RNF34: variants seen among roughly 807,000 people sequenced by gnomAD.
RNF34 encodes E3 ubiquitin-protein ligase RNF34.
In RNF34, 12 loss-of-function variants were observed where a neutral mutation model predicts 37.9. The observed-to-expected ratio is 0.32, with a 90% CI of 0.20 to 0.51. The LOEUF (loss-of-function observed/expected upper bound fraction) is 0.51. Ranked by LOEUF, RNF34 falls within the 20% of genes least tolerant of loss-of-function variation. The pLI is 0.97. For synonymous variants in RNF34, 155 were observed against 177.2 expected, an observed-to-expected ratio of 0.87 and a Z score of 1.00; for missense variants, 362 against 472.7, an observed-to-expected ratio of 0.77 and a Z score of 2.17.
intron 1 of RNF34, among the ~76,000 whole-genome samples, chr12:121,408,670 C>T (rs1555280948): frequency 6.6e-6 from 1 of 152,078 alleles, no homozygotes; most frequent in African/African-American, 2.4e-5. Flanking sequence ...AGATGGAGTC[C>T]AGGCTTGGAA....
intron 1 of RNF34, chr12:121,405,135 A>G (rs554382799): frequency 3.9e-5 from 6 of 152,158 alleles, no homozygotes; most frequent in African/African-American, 1.2e-4. Context: ...TTCCCCTCCC[A>G]TTTGCTTCCT....
At chr12:121,406,079 G>A (rs782114728) in intron 1 of RNF34, among the ~76,000 whole-genome samples, 2 of 152,212 alleles carry the variant, frequency 1.3e-5, no homozygotes, top group Admixed American at 1.3e-4. Flanking sequence ...ATGAGCCACC[G>A]TGCCCGGCCT....
chr12:121,400,136 A>T lies in RNF34; in HGVS notation c.-77A>T. ...GCGCGGTAATCACCGCCCAGAGGGA[A>T]GGAGGTCGGCAGTGTGAGGAGCTGC... On this transcript the variant is annotated 5_prime_UTR_variant, in exon 1 of 6. The change creates a new upstream start codon in the 5' untranslated region. Coordinates refer to ENST00000361234, the MANE Select transcript of RNF34 (RefSeq NM_025126.4). The T allele has an allele frequency of 1.3e-6, 2 of 1,536,802 alleles. No homozygotes were observed. The highest frequency in any genetic ancestry group is 1.8e-6 in the Non-Finnish European group (2 of 1,136,466).
Position 121,423,602 on chromosome 12 carries a change from C to G in RNF34, c.*26C>G. 4 of 1,597,368 alleles carry G rather than the reference C, an allele frequency of 2.5e-6. No homozygotes were observed. Among genetic ancestry groups the G allele is most frequent in the Non-Finnish European group, 3.4e-6 (4 of 1,168,126 alleles). On this transcript the variant is annotated 3_prime_UTR_variant, in exon 6 of 6. Transcript: ENST00000361234. This position sits in a 1 kb window ranked among gnomAD's most constrained non-coding sequence, Gnocchi z 4.3. ...AACAGGCTCCCCTCACCAGGACAGT[C>G]ACCCCCAAACTTGACCCCCAACATT...
intron 1 of RNF34, among the ~76,000 whole-genome samples, chr12:121,410,196 T>C (rs1388732688): frequency 6.6e-6 from 1 of 151,212 alleles, no homozygotes; most frequent in African/African-American, 2.4e-5. Context: ...AGCACTGGGA[T>C]GCCAGGAAAT....
chr12:121,413,415 CT>C (rs573738844), intron 1 of RNF34, among the ~76,000 whole-genome samples: 37 of 130,624 alleles, frequency 2.8e-4, no homozygotes, highest in Non-Finnish European at 2.7e-4. Context: ...TTTACCTGTC[CT>C]TTTTTTTTTT....
In RNF34 at chr12:121,421,619, C is replaced by T. The variant is rs141404014; in HGVS notation, c.928+841C>T. ...AGAAATTCTTCCTCAGCTGGTAACACGATCAAGCCACGGAACATTTATGGA... is the reference window on the plus strand; with the variant it reads ...AGAAATTCTTCCTCAGCTGGTAACATGATCAAGCCACGGAACATTTATGGA... On this transcript the variant is annotated intron_variant, in intron 5 of 5. Transcript: ENST00000361234. 4.0e-3 allele frequency among the ~76,000 whole-genome samples: 602 copies of T among 152,108 alleles called. 2 individuals carry two copies. Among genetic ancestry groups the T allele is most frequent in the African/African-American group, 0.012 (509 of 41,464 alleles).
In RNF34 at chr12:121,423,701, G is replaced by A; in HGVS notation, c.*125G>A. 3.6e-6 allele frequency: 3 copies of A among 826,934 alleles called. No homozygotes were observed. The highest frequency in any genetic ancestry group is 5.6e-6 in the Non-Finnish European group (3 of 531,666). The allele number at this position is 826,934 out of a possible 1,614,324, so 51.2% of individuals were successfully genotyped here. A position where few individuals can be genotyped will look rare whatever the true frequency, so the allele number is the denominator to read the frequency against. On this transcript the variant is annotated 3_prime_UTR_variant, in exon 6 of 6. Coordinates refer to ENST00000361234, the MANE Select transcript of RNF34 (RefSeq NM_025126.4). The surrounding 1 kb of genome is among the most constrained non-coding windows in gnomAD (Gnocchi z 4.3). ...TTTAAAACATTATTTTGACTACTAA[G>A]TGGGGACAGAAAGATCCATCCTGAG...
At chr12:121,402,880 T>C in intron 1 of RNF34, 1 of 1,132,548 alleles carries the variant, frequency 8.8e-7, no homozygotes. Flanking sequence ...CTAAAAGTAT[T>C]ACATTTTAGA....
rs781928373 is a variant in RNF34 at position 121,417,464 on chromosome 12, G to T, written c.226-40G>T. On this transcript the variant is annotated intron_variant, in intron 2 of 5. Coordinates refer to ENST00000361234, the MANE Select transcript of RNF34 (RefSeq NM_025126.4). The surrounding 1 kb of genome is among the most constrained non-coding windows in gnomAD (Gnocchi z 5.0). ...AAAGAAAACTCATGCTTTCATAATG[G>T]TTTATATCTTGCTGTCATCAAATGC... The T allele has an allele frequency of 1.9e-6, 3 of 1,558,740 alleles. No individual in the cohort carries two copies. The highest frequency in any genetic ancestry group is 2.6e-6 in the Non-Finnish European group (3 of 1,148,520).
intron 1 of RNF34, among the ~76,000 whole-genome samples, chr12:121,412,308 C>T (rs1414600272): frequency 7.1e-6 from 1 of 140,776 alleles, no homozygotes; most frequent in Admixed American, 7.5e-5. Flanking sequence ...GGCGCAATCT[C>T]GGCTCACTGC....
In RNF34 at chr12:121,417,694, A is replaced by C; in HGVS notation, c.416A>C (p.Glu139Ala). The change falls in exon 3 of 6, where the codon GAG becomes GCG. Residue 139 changes from glutamate (E) to alanine (A), a missense_variant. Coordinates refer to ENST00000361234, the MANE Select transcript of RNF34 (RefSeq NM_025126.4). The surrounding 1 kb of genome is among the most constrained non-coding windows in gnomAD (Gnocchi z 5.0). ...AATATACCCATAGATACTTGTCGTG[A>C]GAAAGAAGACTTGGTGGATCTAGTA... ...LRNIPIDTCR[E>A]KEDLVDLVLC... The C allele has an allele frequency of 6.2e-7, 1 of 1,614,230 alleles. No individual in the cohort carries two copies. The highest frequency in any genetic ancestry group is 8.5e-7 in the Non-Finnish European group (1 of 1,180,036).
intron 1 of RNF34, 97 bp downstream of exon 1, chr12:121,400,315 AGTC>A (rs1869847611): frequency 7.1e-6 from 10 of 1,417,160 alleles, no homozygotes; most frequent in Non-Finnish European, 9.6e-6. Context: ...GCGGTTACCT[AGTC>A]GTCATCTCGG....
At chr12:121,408,228 G>A (rs1270750099) in intron 1 of RNF34, among the ~76,000 whole-genome samples, 1 of 152,084 alleles carries the variant, frequency 6.6e-6, no homozygotes, top group Non-Finnish European at 1.5e-5. Context: ...ATCACCTGAG[G>A]TCAGGAGTTC....
chr12:121,404,019 CTT>C (rs1283817623), intron 1 of RNF34, among the ~76,000 whole-genome samples: 8 of 141,608 alleles, frequency 5.6e-5, no homozygotes, highest in Non-Finnish European at 3.1e-5. Flanking sequence ...TTTTCTGTTT[CTT>C]TTTTTTTTTT....
intron 1 of RNF34, among the ~76,000 whole-genome samples, chr12:121,411,845 A>G (rs1871094416): frequency 1.3e-5 from 2 of 152,348 alleles, no homozygotes; most frequent in South Asian, 2.1e-4. Flanking sequence ...TTTAGTAGCT[A>G]CATTAGTAGG....
At chr12:121,421,216 G>A (rs979013939) in intron 5 of RNF34, among the ~76,000 whole-genome samples, 18 of 151,780 alleles carry the variant, frequency 1.2e-4, no homozygotes, top group African/African-American at 3.9e-4. Flanking sequence ...AGATTTCTGT[G>A]TAAGTCACAA....
In RNF34 at chr12:121,423,537, G is replaced by T; in HGVS notation, c.1080G>T (p.Arg360=). The change falls in exon 6 of 6, where the codon CGG becomes CGT. Residue 360 remains arginine (R), a synonymous_variant. Transcript: ENST00000361234. This position sits in a 1 kb window ranked among gnomAD's most constrained non-coding sequence, Gnocchi z 4.3. ...GKRMSECPIC[R]QYVVRAVHVF... ...GCATGAGTGAGTGTCCCATCTGCCGGCAGTATGTGGTGCGAGCCGTGCACG... is the reference window on the plus strand; with the variant it reads ...GCATGAGTGAGTGTCCCATCTGCCGTCAGTATGTGGTGCGAGCCGTGCACG... The T allele has an allele frequency of 6.2e-7, 1 of 1,614,150 alleles. No homozygotes were observed. Among genetic ancestry groups the T allele is most frequent in the Non-Finnish European group, 8.5e-7 (1 of 1,180,010 alleles).
chr12:121,417,372 T>G lies in RNF34; in HGVS notation c.226-132T>G. ...ATGGCTTTTGAAACATGAAAATACC[T>G]CTGGAAATAGTCTGGTGCCACTGGG... is the stretch of plus-strand genomic sequence containing the variant. On this transcript the variant is annotated intron_variant, in intron 2 of 5. Coordinates refer to ENST00000361234, the MANE Select transcript of RNF34 (RefSeq NM_025126.4). The surrounding 1 kb of genome is among the most constrained non-coding windows in gnomAD (Gnocchi z 5.0). 1 of 715,006 alleles carries G rather than the reference T, an allele frequency of 1.4e-6. No homozygotes were observed. 44.3% of individuals were successfully genotyped at this position (715,006 alleles called of 1,614,324 possible).
Sources: allele counts gnomAD v4.1 joint callset (sites outside exome capture counted in the v4.1 genomes callset), GRCh38; gene constraint gnomAD v4.1.1; non-coding constraint Gnocchi (gnomAD v3.1); transcripts MANE v1.5; gene names NCBI Gene and HGNC (gene_info 2026-07-23, HGNC 2026-07-21).